Variants in JMJD1C observed in about 807,000 individuals in gnomAD.
The protein encoded by JMJD1C is jumonji domain containing 1C, also known as jumonji domain-containing protein 1C.
Under a neutral mutation model 245.3 loss-of-function variants are expected in JMJD1C, and 31 were observed. The observed-to-expected ratio is 0.13, with a 90% CI of 0.09 to 0.17. JMJD1C has a LOEUF of 0.17. JMJD1C is among the 10% of genes least tolerant of loss of function. JMJD1C has a pLI of 1.00. For missense variants in JMJD1C, 2,691 were observed against 3,000.2 expected, an observed-to-expected ratio of 0.90 and a Z score of 2.41; for synonymous variants, 1,057 against 1,017.4, an observed-to-expected ratio of 1.04 and a Z score of -0.74.
intron 1 of JMJD1C, among the ~76,000 whole-genome samples, chr10:63,447,363 C>G (rs2132982600): frequency 6.6e-6 from 1 of 152,264 alleles, no homozygotes; most frequent in South Asian, 2.1e-4. Context: ...GCTACAGTAT[C>G]TGGAAAACTT....
chr10:63,192,902 C>A lies in JMJD1C; in HGVS notation c.6076+36G>T, dbSNP rs549297646. The stretch of plus-strand genomic sequence containing the variant: ...CATTGTTGGTTAGTTATACTATACT[C>A]CTCTCACACATGCCTAGATAATCAA... On this transcript the variant is annotated intron_variant, in intron 16 of 25. Coordinates refer to ENST00000399262, the MANE Select transcript of JMJD1C (RefSeq NM_032776.3). 6 of 1,440,092 alleles carry A rather than the reference C, an allele frequency of 4.2e-6. No individual in the cohort carries two copies. In the East Asian group the frequency reaches 1.4e-4, roughly 33 times the overall value. The allele number at this position is 1,440,092 out of a possible 1,614,324, so 89.2% of individuals were successfully genotyped here. A position where few individuals can be genotyped will look rare whatever the true frequency, so the allele number is the denominator to read the frequency against.
intron 18 of JMJD1C, among the ~76,000 whole-genome samples, chr10:63,187,470 C>T (rs1844264280): frequency 6.6e-6 from 1 of 152,198 alleles, no homozygotes; most frequent in South Asian, 2.1e-4. Context: ...CAGGGTTTCA[C>T]TTTGTTGCCC....
intron 2 of JMJD1C, among the ~76,000 whole-genome samples, chr10:63,363,556 C>T (rs969945021): frequency 3.3e-5 from 5 of 151,854 alleles, no homozygotes; most frequent in African/African-American, 9.7e-5. Context: ...CCACGCCTAA[C>T]CCATACAATT....
chr10:63,387,241 G>A lies in JMJD1C; in HGVS notation c.169-6759C>T, dbSNP rs1407358074. 2.0e-5 allele frequency among the ~76,000 whole-genome samples: 3 copies of A among 152,092 alleles called. No individual in the cohort carries two copies. In the East Asian group the frequency reaches 5.8e-4, roughly 29 times the overall value. On this transcript the variant is annotated intron_variant, in intron 1 of 25. Coordinates refer to ENST00000399262, the MANE Select transcript of JMJD1C (RefSeq NM_032776.3). ...CAATACCTGATGCATAGATATCAAT[G>A]TAGAAATAAAAGAAACAAGAAGAAG...
chr10:63,263,950 AAATACAC>A (rs1332274411), intron 3 of JMJD1C, among the ~76,000 whole-genome samples: 1 of 110,706 alleles, frequency 9.0e-6, no homozygotes, highest in Admixed American at 1.1e-4. Context: ...AAAAAAAAAA[AAATACAC>A]ATACACACAC....
At chr10:63,389,154 T>C (rs1465344505) in intron 1 of JMJD1C, among the ~76,000 whole-genome samples, 2 of 151,576 alleles carry the variant, frequency 1.3e-5, no homozygotes, top group African/African-American at 4.9e-5. Context: ...TGAAACCCTA[T>C]CTCTACTAAA....
chr10:63,419,855 A>T (rs1327833696), intron 1 of JMJD1C, among the ~76,000 whole-genome samples: 1 of 140,796 alleles, frequency 7.1e-6, no homozygotes, highest in Non-Finnish European at 1.5e-5. Flanking sequence ...AAAAAAAAAA[A>T]GGCCAGGCGC....
chr10:63,323,470 A>G (rs1048465389), intron 2 of JMJD1C, among the ~76,000 whole-genome samples: 1 of 152,202 alleles, frequency 6.6e-6, no homozygotes, highest in Non-Finnish European at 1.5e-5. Context: ...CAGTGAGCCA[A>G]GATCGCGCCA....
chr10:63,200,142 T>G (rs1021153195), intron 11 of JMJD1C, among the ~76,000 whole-genome samples: 1 of 152,150 alleles, frequency 6.6e-6, no homozygotes, highest in African/African-American at 2.4e-5. Flanking sequence ...ACCTTTAAGT[T>G]TTTAATTTTA....
chr10:63,406,761 T>C (rs757325226), intron 1 of JMJD1C, among the ~76,000 whole-genome samples: 2 of 152,150 alleles, frequency 1.3e-5, no homozygotes, highest in Non-Finnish European at 2.9e-5. Flanking sequence ...TAACTTATAA[T>C]ATTAACCAAG....
intron 24 of JMJD1C, among the ~76,000 whole-genome samples, chr10:63,174,013 T>TTATA (rs1842643687): frequency 6.6e-6 from 1 of 152,136 alleles, no homozygotes; most frequent in Non-Finnish European, 1.5e-5. Flanking sequence ...CTTACTAGAA[T>TTATA]GGTCTAAAAA....
chr10:63,281,767 C>T, intron 2 of JMJD1C, among the ~76,000 whole-genome samples: 1 of 152,038 alleles, frequency 6.6e-6, no homozygotes, highest in East Asian at 1.9e-4. Context: ...CCATGCCCAG[C>T]CAATCCTTTA....
At chr10:63,439,667 A>G (rs1951253200) in intron 1 of JMJD1C, among the ~76,000 whole-genome samples, 1 of 152,202 alleles carries the variant, frequency 6.6e-6, no homozygotes, top group African/African-American at 2.4e-5. Flanking sequence ...ATCCTTAACA[A>G]AAGTCACCTC....
intron 2 of JMJD1C, among the ~76,000 whole-genome samples, chr10:63,376,997 A>G (rs1589619816): frequency 6.6e-6 from 1 of 152,244 alleles, no homozygotes; most frequent in East Asian, 1.9e-4. Context: ...ATTATTCCCT[A>G]TAGCCAAAAG....
At chr10:63,249,770 G>C (rs572988964) in intron 3 of JMJD1C, among the ~76,000 whole-genome samples, 1 of 151,994 alleles carries the variant, frequency 6.6e-6, no homozygotes, top group African/African-American at 2.4e-5. Flanking sequence ...TGAGGCAGGA[G>C]AATCGCTTTA....
chr10:63,201,305 G>A (rs1393913333), intron 10 of JMJD1C, among the ~76,000 whole-genome samples: 1 of 151,916 alleles, frequency 6.6e-6, no homozygotes, highest in East Asian at 1.9e-4. Flanking sequence ...TACTGATGGT[G>A]GCAGTATCTT....
At chr10:63,399,052 G>A (rs963038224) in intron 1 of JMJD1C, among the ~76,000 whole-genome samples, 12 of 152,130 alleles carry the variant, frequency 7.9e-5, no homozygotes, top group Non-Finnish European at 1.3e-4. Flanking sequence ...TTTTGAAATC[G>A]GTTGGTATCC....
Position 63,207,386 on chromosome 10 carries a change from G to A in JMJD1C, c.4283C>T (p.Thr1428Ile). Residue 1428 changes from threonine to isoleucine, a missense_variant, in exon 10 of 26, where the codon ACA (threonine) becomes ATA (isoleucine). Coordinates refer to ENST00000399262, the MANE Select transcript of JMJD1C (RefSeq NM_032776.3). ...SSLSNTILAS[T>I]SSECVSSKSV... ...TTTTGAAGATACACATTCTGATGAT[G>A]TAGAGGCCAAAATGGTATTTGATAA... 1.2e-6 allele frequency: 2 copies of A among 1,614,084 alleles called. No individual in the cohort carries two copies. Among genetic ancestry groups the A allele is most frequent in the South Asian group, 1.1e-5 (1 of 91,084 alleles).
At chr10:63,197,300 T>C in intron 13 of JMJD1C, 111 bp downstream of exon 13, 1 of 885,492 alleles carries the variant, frequency 1.1e-6, no homozygotes, top group Non-Finnish European at 1.7e-6. Context: ...AAAAAATACT[T>C]AATACATTAA....
Sources: allele counts gnomAD v4.1 joint callset (sites outside exome capture counted in the v4.1 genomes callset), GRCh38; gene constraint gnomAD v4.1.1; transcripts MANE v1.5; gene names NCBI Gene and HGNC (gene_info 2026-07-23, HGNC 2026-07-21).